The following SLC16A7 variants were observed in gnomAD, a reference collection of about 807,000 sequenced individuals.
The protein encoded by SLC16A7 is solute carrier family 16 member 7.
SLC16A7 carries 33 observed loss-of-function variants against 34.9 expected under a neutral mutation model. The observed-to-expected ratio is 0.94, with a 90% CI of 0.72 to 1.26. The LOEUF (loss-of-function observed/expected upper bound fraction) is 1.26. SLC16A7 is among the 50% of genes most tolerant of loss of function. The probability of loss-of-function intolerance (pLI) is 0.00; values close to 1 mark genes in which losing one functional copy is unlikely to be tolerated. For synonymous variants in SLC16A7, 201 were observed against 206.6 expected, an observed-to-expected ratio of 0.97 and a Z score of 0.23; for missense variants, 573 against 578.1, an observed-to-expected ratio of 0.99 and a Z score of 0.09.
At position 59,782,605 on chromosome 12, in the gene SLC16A7, A is replaced by C. The variant is rs1883325541; in HGVS notation, c.*2926A>C. 6.6e-6 allele frequency: 1 copy of C among 152,220 alleles called. No individual in the cohort carries two copies. Among genetic ancestry groups the C allele is most frequent in the Non-Finnish European group, 1.5e-5 (1 of 68,046 alleles). The allele number at this position is 152,220 out of a possible 1,614,324, so 9.4% of individuals were successfully genotyped here. The stretch of plus-strand genomic sequence containing the variant: ...AGAAAGGGTGTCATTAAATCAAGGT[A>C]TCCAGATAATTCATGGCTACTTTAA... On this transcript the variant is annotated 3_prime_UTR_variant, in exon 6 of 6. Transcript: ENST00000547379.
intron 2 of SLC16A7, among the ~76,000 whole-genome samples, chr12:59,683,747 A>G (rs1412980367): frequency 6.6e-6 from 1 of 152,202 alleles, no homozygotes; most frequent in African/African-American, 2.4e-5. Context: ...GAGATAGATA[A>G]TATAATGGGG....
chr12:59,719,929 C>G, intron 3 of SLC16A7: 1 of 560,730 alleles, frequency 1.8e-6, no homozygotes, highest in Non-Finnish European at 3.1e-6. Context: ...AGTGGTGGAA[C>G]CTTAGCTATT....
chr12:59,673,057 T>C (rs1029457907), intron 2 of SLC16A7, among the ~76,000 whole-genome samples: 1 of 152,168 alleles, frequency 6.6e-6, no homozygotes, highest in Non-Finnish European at 1.5e-5. Context: ...TGACTTTGAC[T>C]CAGGATATTT....
intron 4 of SLC16A7, among the ~76,000 whole-genome samples, chr12:59,774,419 A>G (rs977370225): frequency 2.6e-5 from 4 of 152,180 alleles, no homozygotes; most frequent in Non-Finnish European, 4.4e-5. Context: ...TCTCAATTTC[A>G]TTTTTGTGCT....
Position 59,771,233 on chromosome 12 carries a change from G to A in SLC16A7, c.232G>A (p.Val78Ile). 2 of 1,612,892 alleles carry A rather than the reference G, an allele frequency of 1.2e-6. No individual in the cohort carries two copies. The highest frequency in any genetic ancestry group is 1.7e-6 in the Non-Finnish European group (2 of 1,179,334). Reference sequence around the variant, plus strand: ...CTCTGCTGTAGGTCCTGTAAGTAGTGTTTTGGTGAATAAATACGGCAGCCG... The same window carrying A: ...CTCTGCTGTAGGTCCTGTAAGTAGTATTTTGGTGAATAAATACGGCAGCCG... ...VMYAGGPVSS[V>I]LVNKYGSRPV... Residue 78 changes from valine to isoleucine, a missense_variant, in exon 4 of 6, where the codon GTT (valine) becomes ATT (isoleucine). Val to Ile is a conservative substitution (Grantham distance 29). Transcript: ENST00000547379.
chr12:59,627,326 G>A (rs1879972800), intron 1 of SLC16A7, among the ~76,000 whole-genome samples: 1 of 151,812 alleles, frequency 6.6e-6, no homozygotes, highest in Non-Finnish European at 1.5e-5. Context: ...AGTACATAAA[G>A]TTTGATAGAC....
intron 3 of SLC16A7, among the ~76,000 whole-genome samples, chr12:59,763,323 T>C (rs181415383): frequency 2.0e-5 from 3 of 152,224 alleles, no homozygotes; most frequent in Admixed American, 6.6e-5. Context: ...CAGTGGAAAG[T>C]ATTTTATTTT....
intron 2 of SLC16A7, among the ~76,000 whole-genome samples, chr12:59,669,534 A>T (rs949252796): frequency 6.6e-6 from 1 of 152,074 alleles, no homozygotes; most frequent in African/African-American, 2.4e-5. Flanking sequence ...TCCATTTCAG[A>T]TTACACAAAT....
chr12:59,651,760 C>G (rs1868346343), intron 1 of SLC16A7, among the ~76,000 whole-genome samples: 1 of 152,096 alleles, frequency 6.6e-6, no homozygotes, highest in African/African-American at 2.4e-5. Context: ...ACATTTTTGC[C>G]TTGATCATTA....
chr12:59,597,061 C>G (rs1396337189), intron 1 of SLC16A7: 3 of 152,344 alleles, frequency 2.0e-5, no homozygotes, highest in Admixed American at 1.3e-4. Flanking sequence ...GTTTTCTCAG[C>G]GGATGCTGCA....
intron 2 of SLC16A7, chr12:59,696,610 T>C (rs1872324859): frequency 6.6e-6 from 1 of 151,966 alleles, no homozygotes; most frequent in Non-Finnish European, 1.5e-5. Context: ...CAGATATAAA[T>C]TGTATGAAAA....
chr12:59,643,673 C>T (rs1254352272), intron 1 of SLC16A7, among the ~76,000 whole-genome samples: 1 of 152,108 alleles, frequency 6.6e-6, no homozygotes, highest in Non-Finnish European at 1.5e-5. Flanking sequence ...ATATAGCTTA[C>T]TGTAATTCAA....
rs903394097 is a variant in SLC16A7, at chr12:59,786,704, G to T, written c.*7025G>T. The T allele has an allele frequency of 6.6e-6, 1 of 151,994 alleles. No homozygotes were observed. The highest frequency in any genetic ancestry group is 1.5e-5 in the Non-Finnish European group (1 of 67,968). The allele number at this position is 151,994 out of a possible 1,614,324, so 9.4% of individuals were successfully genotyped here. ...TCCACATTTTTACCATATAAAACTA[G>T]ACTGGATTAAGGATTTTGCCTAAAC... On this transcript the variant is annotated 3_prime_UTR_variant, in exon 6 of 6. Transcript: ENST00000547379.
At chr12:59,601,874 A>G (rs1036193641) in intron 1 of SLC16A7, among the ~76,000 whole-genome samples, 1 of 152,178 alleles carries the variant, frequency 6.6e-6, no homozygotes, top group African/African-American at 2.4e-5. Context: ...CTTAACTCCC[A>G]AAGTCCCCAT....
chr12:59,738,541 GTTTCCAAAA>G (rs576733768), intron 3 of SLC16A7, among the ~76,000 whole-genome samples: 147 of 152,242 alleles, frequency 9.7e-4, no homozygotes, highest in African/African-American at 3.5e-3. Context: ...CTCTGTCCTT[GTTTCCAAAA>G]TATAAAGTAT....
intron 2 of SLC16A7, among the ~76,000 whole-genome samples, chr12:59,664,151 A>C (rs939976334): frequency 6.6e-6 from 1 of 152,126 alleles, no homozygotes; most frequent in Non-Finnish European, 1.5e-5. Context: ...CCCCATAGGA[A>C]AATATTTATC....
intron 1 of SLC16A7, among the ~76,000 whole-genome samples, chr12:59,603,509 C>T (rs774028646): frequency 1.1e-4 from 16 of 152,110 alleles, no homozygotes; most frequent in Non-Finnish European, 2.2e-4. Context: ...CTAGCTCTAA[C>T]CTCACCTTCT....
rs569236056 is a variant in SLC16A7, at chr12:59,709,315, G to A, written c.217+4297G>A. ...TTTCTGTTTTATGTGAATAGTGACG[G>A]CCAATTGTGCTAAAGTAAGGGTGAT... On this transcript the variant is annotated intron_variant, in intron 3 of 5. Transcript: ENST00000547379. 7.3e-5 allele frequency among the ~76,000 whole-genome samples: 11 copies of A among 151,600 alleles called. No homozygotes were observed. In the South Asian group the frequency reaches 2.3e-3, roughly 31 times the overall value.
At chr12:59,646,517 G>C (rs1030626397) in intron 1 of SLC16A7, among the ~76,000 whole-genome samples, 1 of 152,302 alleles carries the variant, frequency 6.6e-6, no homozygotes, top group East Asian at 1.9e-4. Context: ...TGATGTCCAG[G>C]CACAAGTCTG....
Sources: gnomAD v4.1 joint callset for allele counts (sites outside exome capture counted in the v4.1 genomes callset) on GRCh38, gnomAD v4.1.1 for gene constraint, MANE v1.5 for transcripts, NCBI Gene and HGNC (gene_info 2026-07-23, HGNC 2026-07-21) for gene names.